The following GLG1 variants were observed in gnomAD, a reference collection of about 807,000 sequenced individuals.
GLG1 encodes the protein Golgi apparatus protein 1.
In GLG1, 38 loss-of-function variants were observed where a neutral mutation model predicts 160.5. The ratio of observed to expected loss-of-function variants is 0.24; its 90% confidence interval spans 0.18 to 0.31. The LOEUF is 0.31. Ranked by LOEUF, GLG1 falls within the 10% of genes least tolerant of loss-of-function variation. The probability of loss-of-function intolerance (pLI) is 1.00; values close to 1 mark genes in which losing one functional copy is unlikely to be tolerated. For synonymous variants in GLG1, 644 were observed against 543.4 expected, an observed-to-expected ratio of 1.19 and a Z score of -2.57; for missense variants, 1,373 against 1,505.2, an observed-to-expected ratio of 0.91 and a Z score of 1.45.
At chr16:74,507,002 G>C (rs1327067816) in intron 3 of GLG1, among the ~76,000 whole-genome samples, 2 of 152,168 alleles carry the variant, frequency 1.3e-5, no homozygotes, top group African/African-American at 4.8e-5. Flanking sequence ...CAATCCTGGA[G>C]ATTAAGTTTG....
chr16:74,520,457 A>G (rs775832809), intron 2 of GLG1, among the ~76,000 whole-genome samples: 4 of 152,142 alleles, frequency 2.6e-5, no homozygotes, highest in Non-Finnish European at 5.9e-5. Context: ...ACCAACATGT[A>G]GAAACCCTAT....
At position 74,513,254 on chromosome 16, in the gene GLG1, A is replaced by G. The variant is rs147174195; in HGVS notation, c.472-4329T>C. ...CAAGAACTTATTTGAATGAAAAAAG[A>G]TGGGATATACTTGAGATACTTAGAA... On this transcript the variant is annotated intron_variant, in intron 2 of 25. Coordinates refer to ENST00000422840, the MANE Select transcript of GLG1 (RefSeq NM_001145667.2). Among the ~76,000 whole-genome samples, 740 of 152,296 alleles carry G rather than the reference A, an allele frequency of 4.9e-3. 1 individual carries two copies. Among genetic ancestry groups the G allele is most frequent in the Non-Finnish European group, 7.3e-3 (498 of 68,032 alleles).
intron 1 of GLG1, among the ~76,000 whole-genome samples, chr16:74,601,660 A>T (rs1269615381): frequency 6.6e-6 from 1 of 152,202 alleles, no homozygotes. Flanking sequence ...CATAAAGCAG[A>T]AATTCGGTTT....
At chr16:74,539,671 C>T (rs2017780190) in intron 1 of GLG1, among the ~76,000 whole-genome samples, 2 of 151,506 alleles carry the variant, frequency 1.3e-5, no homozygotes, top group Non-Finnish European at 2.9e-5. Context: ...AGAGCAATCG[C>T]TAATTACTCA....
intron 21 of GLG1, 113 bp from the exon 22 acceptor site, chr16:74,462,308 C>G: frequency 1.3e-6 from 1 of 786,132 alleles, no homozygotes; most frequent in South Asian, 1.7e-5. Context: ...AAGAAAAAAA[C>G]AAAAAGAACA....
chr16:74,495,306 G>C (rs1461212812), intron 5 of GLG1, among the ~76,000 whole-genome samples: 1 of 152,062 alleles, frequency 6.6e-6, no homozygotes, highest in Non-Finnish European at 1.5e-5. Flanking sequence ...TAGAGATGGG[G>C]TTTCACCATA....
chr16:74,507,617 T>A (rs1394311480), intron 3 of GLG1, among the ~76,000 whole-genome samples: 1 of 152,014 alleles, frequency 6.6e-6, no homozygotes, highest in Non-Finnish European at 1.5e-5. Flanking sequence ...GTGCCTGTAA[T>A]CCCAGTTACT....
chr16:74,515,346 C>T (rs921503568), intron 2 of GLG1, among the ~76,000 whole-genome samples: 1 of 152,152 alleles, frequency 6.6e-6, no homozygotes, highest in African/African-American at 2.4e-5. Flanking sequence ...AATATACATT[C>T]TTCTCAGCAC....
intron 1 of GLG1, among the ~76,000 whole-genome samples, chr16:74,606,453 G>C (rs932669030): frequency 5.9e-5 from 9 of 152,182 alleles, no homozygotes; most frequent in Admixed American, 1.3e-4. Context: ...AACAGGGAGG[G>C]AAATAAGGGC....
intron 1 of GLG1, among the ~76,000 whole-genome samples, chr16:74,559,544 G>T (rs2018450584): frequency 6.6e-6 from 1 of 151,922 alleles, no homozygotes; most frequent in South Asian, 2.1e-4. Flanking sequence ...TTAATCCTCT[G>T]TCCTCTTTAG....
At chr16:74,565,802 T>C (rs1339042914) in intron 1 of GLG1, among the ~76,000 whole-genome samples, 1 of 152,228 alleles carries the variant, frequency 6.6e-6, no homozygotes. Context: ...CACACCTTAT[T>C]GGTTCTATGT....
intron 1 of GLG1, among the ~76,000 whole-genome samples, chr16:74,564,898 T>A (rs2018608408): frequency 6.6e-6 from 1 of 152,208 alleles, no homozygotes; most frequent in African/African-American, 2.4e-5. Flanking sequence ...AGGTTGCCCC[T>A]GCTCTAATCC....
At chr16:74,478,469 A>C (rs2015472297) in intron 11 of GLG1, among the ~76,000 whole-genome samples, 1 of 152,192 alleles carries the variant, frequency 6.6e-6, no homozygotes, top group African/African-American at 2.4e-5. Flanking sequence ...AAGAAAAAAA[A>C]GCCAGCATAC....
chr16:74,577,432 G>A (rs1006381396), intron 1 of GLG1, among the ~76,000 whole-genome samples: 1 of 147,986 alleles, frequency 6.8e-6, no homozygotes, highest in African/African-American at 2.5e-5. Flanking sequence ...TGAGACAGGA[G>A]AATCGCTTGA....
intron 1 of GLG1, among the ~76,000 whole-genome samples, chr16:74,606,201 G>A (rs904647257): frequency 7.9e-5 from 12 of 152,178 alleles, no homozygotes; most frequent in African/African-American, 2.9e-4. Flanking sequence ...ATGGATTTGC[G>A]AATTACATCT....
chr16:74,542,782 G>GAAGGAAGGAAGGAAGGA, intron 1 of GLG1, among the ~76,000 whole-genome samples: 2 of 147,142 alleles, frequency 1.4e-5, no homozygotes, highest in Non-Finnish European at 3.0e-5. Flanking sequence ...AGGAAGGAAG[G>GAAGGAAGGAAGGAAGGA]AAGGAAGGAA....
intron 1 of GLG1, among the ~76,000 whole-genome samples, chr16:74,542,045 A>C (rs2017883509): frequency 6.9e-6 from 1 of 144,570 alleles, no homozygotes; most frequent in South Asian, 2.4e-4. Flanking sequence ...GGGTGGTGGC[A>C]GGGAGGAAAT....
intron 1 of GLG1, among the ~76,000 whole-genome samples, chr16:74,546,813 G>T (rs1333971971): frequency 8.6e-6 from 1 of 116,234 alleles, no homozygotes; most frequent in African/African-American, 3.3e-5. Context: ...ACTCCATCCT[G>T]GGCGACAGAG....
At chr16:74,508,479 C>G (rs142271304) in intron 3 of GLG1, among the ~76,000 whole-genome samples, 1 of 152,066 alleles carries the variant, frequency 6.6e-6, no homozygotes. Flanking sequence ...GTCAATTGAT[C>G]CAGCTGCATA....
Sources: gnomAD v4.1 joint callset for allele counts (sites outside exome capture counted in the v4.1 genomes callset) on GRCh38, gnomAD v4.1.1 for gene constraint, MANE v1.5 for transcripts, NCBI Gene and HGNC (gene_info 2026-07-23, HGNC 2026-07-21) for gene names.